The following SLC34A1 variants were observed in gnomAD, a reference collection of about 807,000 sequenced individuals.
SLC34A1 encodes sodium-dependent phosphate transport protein 2A.
A neutral mutation model predicts 51.4 loss-of-function variants in SLC34A1; 57 were observed. The ratio of observed to expected loss-of-function variants is 1.11; its 90% CI spans 0.90 to 1.38. SLC34A1 has a LOEUF of 1.38. Among genes scored for constraint, SLC34A1 ranks in the 40% most tolerant of loss-of-function variants. The pLI is 0.00. For missense variants in SLC34A1, 796 were observed against 835.6 expected (o/e 0.95, Z 0.58); for synonymous variants, 368 against 358.0 (o/e 1.03, Z -0.32).
At chr5:177,393,321 C>A (rs139088393) in intron 8 of SLC34A1, among the ~76,000 whole-genome samples, 1 of 151,724 alleles carries the variant, frequency 6.6e-6, no homozygotes, top group African/African-American at 2.4e-5. Context: ...GAAGGGGCAC[C>A]GAGAAAGGGA....
chr5:177,388,477 G>A lies in SLC34A1; in HGVS notation c.936+105G>A, dbSNP rs544698363. 19 of 983,346 alleles carry A rather than the reference G, an allele frequency of 1.9e-5. No homozygotes were observed. In the African/African-American group the frequency reaches 2.2e-4, roughly 12 times the overall value. The allele number at this position is 983,346 out of a possible 1,614,324, so 60.9% of individuals were successfully genotyped here. A position where few individuals can be genotyped will look rare whatever the true frequency, so the allele number is the denominator to read the frequency against. On this transcript the variant is annotated intron_variant, in intron 8 of 12. Transcript: ENST00000324417. The surrounding 1 kb of genome is among the most constrained non-coding windows in gnomAD (Gnocchi z 4.3). Reference sequence around the variant, plus strand: ...ATAGACCTTGAAGATCATTTAGCCAGGAGAGGGCAAATATGTGGCCCTTCT... The same window carrying A: ...ATAGACCTTGAAGATCATTTAGCCAAGAGAGGGCAAATATGTGGCCCTTCT...
rs1231969856 is a variant in SLC34A1 at position 177,396,624 on chromosome 5, C to T, written c.1175-109C>T. 6.2e-6 allele frequency: 5 copies of T among 812,768 alleles called. No homozygotes were observed. The East Asian group carries it at 1.2e-4, about 20-fold the overall frequency. The allele number at this position is 812,768 out of a possible 1,614,324, so 50.3% of individuals were successfully genotyped here. ...CTCCCAGTGCCCCCGCGGAGATCCG[C>T]TCTCCCAGTGCCCCCGCGGAGGTCC... On this transcript the variant is annotated intron_variant, in intron 10 of 12. Transcript: ENST00000324417. This position sits in a 1 kb window ranked among gnomAD's most constrained non-coding sequence, Gnocchi z 4.0.
At chr5:177,389,095 G>A (rs1010270968) in intron 8 of SLC34A1, among the ~76,000 whole-genome samples, 5 of 152,146 alleles carry the variant, frequency 3.3e-5, no homozygotes, top group Non-Finnish European at 7.4e-5. Flanking sequence ...CTTCTGCACT[G>A]TTTCTGCTGC....
Position 177,388,513 on chromosome 5 carries a change from C to T in SLC34A1, c.936+141C>T. On this transcript the variant is annotated intron_variant, in intron 8 of 12. Transcript: ENST00000324417. The surrounding 1 kb of genome is among the most constrained non-coding windows in gnomAD (Gnocchi z 4.3). Reference sequence around the variant, plus strand: ...ATATGTGGCCCTTCTACTGTGCTTACAGTTAACATTGCTAATTCCTCCCAA... The same window carrying T: ...ATATGTGGCCCTTCTACTGTGCTTATAGTTAACATTGCTAATTCCTCCCAA... The T allele has an allele frequency of 1.3e-6, 1 of 741,120 alleles. No individual in the cohort carries two copies. The highest frequency in any genetic ancestry group is 2.4e-6 in the Non-Finnish European group (1 of 420,324). 45.9% of individuals were successfully genotyped at this position (741,120 alleles called of 1,614,324 possible).
intron 8 of SLC34A1, chr5:177,390,185 T>A (rs1055688166): frequency 2.0e-6 from 2 of 1,000,056 alleles, no homozygotes; most frequent in African/African-American, 3.5e-5. Context: ...CGAAACAGTC[T>A]CCAGGGAAGC....
rs527654269 is a variant in SLC34A1 at position 177,386,794 on chromosome 5, G to A, written c.532+228G>A. On this transcript the variant is annotated intron_variant, in intron 5 of 12. Transcript: ENST00000324417. This position sits in a 1 kb window ranked among gnomAD's most constrained non-coding sequence, Gnocchi z 4.8. ...GTTTGTCTGGGCAAGTCAGGAATCC[G>A]TAGGCCAGGGCATTGGAAGGGCAGG... Among the ~76,000 whole-genome samples the A allele has an allele frequency of 6.3e-4, 96 of 152,250 alleles. No individual in the cohort carries two copies. The highest frequency in any genetic ancestry group is 1.5e-3 in the South Asian group (7 of 4,824).
In SLC34A1 at chr5:177,390,441, G is replaced by C. The variant is rs926150493; in HGVS notation, c.936+2069G>C. ...CCATTTTACAGACGAGGAGCACTGA[G>C]CCCCAGAGAAGTGCAGTGGCTTGCC... On this transcript the variant is annotated intron_variant, in intron 8 of 12. Transcript: ENST00000324417. 1.1e-5 allele frequency: 10 copies of C among 943,872 alleles called. No individual in the cohort carries two copies. In the African/African-American group the frequency reaches 1.8e-4, roughly 17 times the overall value. 58.5% of individuals were successfully genotyped at this position (943,872 alleles called of 1,614,324 possible).
chr5:177,385,942 C>T (rs1231755546), intron 2 of SLC34A1, 45 bp from the exon 3 acceptor site: 1 of 1,610,262 alleles, frequency 6.2e-7, no homozygotes, highest in Admixed American at 1.7e-5. Flanking sequence ...CTCCCCGCCT[C>T]CCCACTTTGG....
Position 177,396,673 on chromosome 5 carries a change from G to T in SLC34A1, c.1175-60G>T, listed in dbSNP as rs1762978535. The T allele has an allele frequency of 2.0e-6, 3 of 1,469,664 alleles. No homozygotes were observed. The highest frequency in any genetic ancestry group is 1.4e-5 in the African/African-American group (1 of 72,000). 91.0% of individuals were successfully genotyped at this position (1,469,664 alleles called of 1,614,324 possible). A position where few individuals can be genotyped will look rare whatever the true frequency, so the allele number is the denominator to read the frequency against. ...CCGCTCTCCCAGTGCCCCCGCGGAG[G>T]TCTGCTCTCCCAATGTCCCCGCTCT... On this transcript the variant is annotated intron_variant, in intron 10 of 12. Coordinates refer to ENST00000324417, the MANE Select transcript of SLC34A1 (RefSeq NM_003052.5). This position sits in a 1 kb window ranked among gnomAD's most constrained non-coding sequence, Gnocchi z 4.0.
At chr5:177,391,697 G>T (rs1162435701) in intron 8 of SLC34A1, among the ~76,000 whole-genome samples, 1 of 152,206 alleles carries the variant, frequency 6.6e-6, no homozygotes, top group South Asian at 2.1e-4. Flanking sequence ...ATGTGATCCT[G>T]AACGGGCCCA....
In SLC34A1 at chr5:177,396,717, T is replaced by C. The variant is rs370417989; in HGVS notation, c.1175-16T>C. The C allele has an allele frequency of 1.9e-6, 3 of 1,611,154 alleles. No homozygotes were observed. The highest frequency in any genetic ancestry group is 2.7e-5 in the African/African-American group (2 of 74,868). ...CCGCTCTGACCCCAGCCTGCTGGGA[T>C]GCGGTTTCCTTGCAGACTTCCCTGC... On this transcript the variant is annotated splice_polypyrimidine_tract_variant and intron_variant, in intron 10 of 12. Coordinates refer to ENST00000324417, the MANE Select transcript of SLC34A1 (RefSeq NM_003052.5). This position sits in a 1 kb window ranked among gnomAD's most constrained non-coding sequence, Gnocchi z 4.0.
In SLC34A1 at chr5:177,397,387, A is replaced by G; in HGVS notation, c.1416+313A>G. On this transcript the variant is annotated intron_variant, in intron 12 of 12. Transcript: ENST00000324417. Reference sequence around the variant, plus strand: ...GTTTGGGGAATCCATTGCGGGGGTCAAGGCCGCAAATGGCAAAGGGGAATT... The same window carrying G: ...GTTTGGGGAATCCATTGCGGGGGTCGAGGCCGCAAATGGCAAAGGGGAATT... 8.1e-6 allele frequency: 4 copies of G among 492,004 alleles called. 1 individual carries two copies. The South Asian group carries it at 8.4e-5, about 10-fold the overall frequency. The allele number at this position is 492,004 out of a possible 1,614,324, so 30.5% of individuals were successfully genotyped here.
At chr5:177,397,667 T>A in intron 12 of SLC34A1, 116 bp from the exon 13 acceptor site, 1 of 1,413,760 alleles carries the variant, frequency 7.1e-7, no homozygotes, top group South Asian at 1.2e-5. Flanking sequence ...CACCCCTAAG[T>A]GGAAACTTTC....
chr5:177,398,415 G>T lies in SLC34A1; in HGVS notation c.*129G>T. ...TGCCAGTCTCTCCTTCTGTAGCTCC[G>T]CAAAGCTCTGGGCTTGTGTGAGAGT... is the stretch of plus-strand genomic sequence containing the variant. On this transcript the variant is annotated 3_prime_UTR_variant, in exon 13 of 13. Coordinates refer to ENST00000324417, the MANE Select transcript of SLC34A1 (RefSeq NM_003052.5). This position sits in a 1 kb window ranked among gnomAD's most constrained non-coding sequence, Gnocchi z 4.7. The T allele has an allele frequency of 9.3e-7, 1 of 1,073,806 alleles. No individual in the cohort carries two copies. Among genetic ancestry groups the T allele is most frequent in the Non-Finnish European group, 1.4e-6 (1 of 703,940 alleles). 66.5% of individuals were successfully genotyped at this position (1,073,806 alleles called of 1,614,324 possible).
chr5:177,393,898 G>T, intron 9 of SLC34A1, 130 bp from the exon 10 acceptor site: 2 of 1,487,348 alleles, frequency 1.3e-6, no homozygotes, highest in Non-Finnish European at 1.9e-6. Context: ...CCTGAGCCTG[G>T]GTCAAGCTCC....
chr5:177,397,760 C>A, intron 12 of SLC34A1, 23 bp from the exon 13 acceptor site: 2 of 1,604,010 alleles, frequency 1.2e-6, no homozygotes. Flanking sequence ...CCCATCTCAG[C>A]CCCTCTGCCT....
chr5:177,389,225 G>A (rs1335809813), intron 8 of SLC34A1, among the ~76,000 whole-genome samples: 1 of 152,158 alleles, frequency 6.6e-6, no homozygotes, highest in Non-Finnish European at 1.5e-5. Context: ...AAAGGCAAAT[G>A]CTTCATCCAA....
chr5:177,387,788 A>C lies in SLC34A1; in HGVS notation c.559A>C (p.Ile187Leu). Residue 187 changes from isoleucine (I) to leucine (L), a missense_variant, in exon 6 of 13, where the codon ATC becomes CTC. Ile to Leu is a conservative substitution (Grantham distance 5, BLOSUM62 2). Coordinates refer to ENST00000324417, the MANE Select transcript of SLC34A1 (RefSeq NM_003052.5). ...GCTGGAGGTGAGCTCTGCCATCCCC[A>C]TCATCATGGGCTCCAACATCGGCAC... ...GLLEVSSAIP[I>L]IMGSNIGTSV... is the part of the protein sequence containing the mutation. The C allele has an allele frequency of 6.2e-7, 1 of 1,613,758 alleles. No homozygotes were observed. Among genetic ancestry groups the C allele is most frequent in the Non-Finnish European group, 8.5e-7 (1 of 1,179,966 alleles).
chr5:177,389,795 G>A, intron 8 of SLC34A1: 1 of 1,533,420 alleles, frequency 6.5e-7, no homozygotes, highest in Non-Finnish European at 8.7e-7. Context: ...CTCACTTGAA[G>A]TCATCCTCAC....
Sources: gnomAD v4.1 joint callset for allele counts (sites outside exome capture counted in the v4.1 genomes callset) on GRCh38, gnomAD v4.1.1 for gene constraint, Gnocchi (gnomAD v3.1) non-coding constraint, MANE v1.5 for transcripts, NCBI Gene and HGNC (gene_info 2026-07-23, HGNC 2026-07-21) for gene names.